The following NUP153 variants were observed in gnomAD, a reference collection of about 807,000 sequenced individuals.
The protein encoded by NUP153 is nucleoporin 153.
A neutral mutation model predicts 134.6 loss-of-function variants in NUP153; 27 were observed. The ratio of observed to expected loss-of-function variants is 0.20; its 90% CI spans 0.15 to 0.28. The LOEUF is 0.28. Among genes scored for constraint, NUP153 ranks in the 10% least tolerant of loss-of-function variants. The probability of loss-of-function intolerance (pLI) is 1.00; values close to 1 mark genes in which losing one functional copy is unlikely to be tolerated. For synonymous variants in NUP153, 640 were observed against 623.5 expected, an observed-to-expected ratio of 1.03 and a Z score of -0.40; for missense variants, 1,821 against 1,731.3, an observed-to-expected ratio of 1.05 and a Z score of -0.92.
intron 14 of NUP153, among the ~76,000 whole-genome samples, chr6:17,644,383 A>G (rs1291596712): frequency 1.3e-5 from 2 of 152,184 alleles, no homozygotes; most frequent in South Asian, 4.1e-4. Flanking sequence ...AAAATCATTC[A>G]ACATCTCCCT....
At chr6:17,634,109 C>T (rs978994835) in intron 16 of NUP153, among the ~76,000 whole-genome samples, 14 of 151,992 alleles carry the variant, frequency 9.2e-5, no homozygotes, top group Non-Finnish European at 2.9e-5. Context: ...TTCATGAACC[C>T]CCCCCATTAC....
rs761177025 is a variant in NUP153 at position 17,675,247 on chromosome 6, G to T, written c.705C>A (p.Ala235=). Residue 235 remains alanine (A), a synonymous_variant, in exon 4 of 22, where the codon GCC becomes GCA. Transcript: ENST00000262077. The surrounding 1 kb of genome is among the most constrained non-coding windows in gnomAD (Gnocchi z 4.4). ...TACTCACAGGGGAAAGTGTTCCAAA[G>T]GCAGACAAGTTGAATGCTGGTTTTT... is the stretch of plus-strand genomic sequence containing the variant. ...SSKKPAFNLS[A]FGTLSPSLGN... 3 of 1,613,970 alleles carry T rather than the reference G, an allele frequency of 1.9e-6. No individual in the cohort carries two copies. Among genetic ancestry groups the T allele is most frequent in the Non-Finnish European group, 2.5e-6 (3 of 1,180,030 alleles).
intron 1 of NUP153, among the ~76,000 whole-genome samples, chr6:17,702,810 T>C (rs1393002274): frequency 6.6e-6 from 1 of 152,216 alleles, no homozygotes. Flanking sequence ...TATTTGCTTC[T>C]ACAATTCTTA....
In NUP153 at chr6:17,637,310, A is replaced by G. The variant is rs755626619; in HGVS notation, c.2307T>C (p.Thr769=). 6.2e-7 allele frequency: 1 copy of G among 1,614,234 alleles called. No individual in the cohort carries two copies. The highest frequency in any genetic ancestry group is 1.7e-5 in the Admixed American group (1 of 60,020). Residue 769 remains threonine, a synonymous_variant, in exon 16 of 22, where the codon ACT becomes ACC. Transcript: ENST00000262077. ...TLTVVSESAE[T]MTASSSSCTV... Reference sequence around the variant, plus strand: ...TGCAGCTGGAAGATGAAGCAGTCATAGTCTCAGCACTTTCCGAAACCACTG... The same window carrying G: ...TGCAGCTGGAAGATGAAGCAGTCATGGTCTCAGCACTTTCCGAAACCACTG...
chr6:17,660,953 G>A (rs1193961957), intron 11 of NUP153, among the ~76,000 whole-genome samples: 1 of 152,042 alleles, frequency 6.6e-6, no homozygotes, highest in Non-Finnish European at 1.5e-5. Flanking sequence ...AAATATATAA[G>A]CAGTGAAATT....
At position 17,624,742 on chromosome 6, in the gene NUP153, T is replaced by A. The variant is rs1457418505; in HGVS notation, c.3993A>T (p.Gln1331His). 1 of 1,614,070 alleles carries A rather than the reference T, an allele frequency of 6.2e-7. No homozygotes were observed. Among genetic ancestry groups the A allele is most frequent in the Admixed American group, 1.7e-5 (1 of 60,008 alleles). ...CTGGGGGATTGGGCTGGCTGGCACC[T>A]TGACTTTGTCCAAATGTTGGGGTCT... is the stretch of plus-strand genomic sequence containing the variant. ...ANQTPTFGQS[Q>H]GASQPNPPGF... is the part of the protein sequence containing the mutation. The change falls in exon 20 of 22, where the codon CAA (glutamine) becomes CAT (histidine). Residue 1331 changes from glutamine (Q) to histidine (H), a missense_variant. Coordinates refer to ENST00000262077, the MANE Select transcript of NUP153 (RefSeq NM_005124.4).
intron 1 of NUP153, among the ~76,000 whole-genome samples, chr6:17,689,308 A>G (rs1769136907): frequency 6.6e-6 from 1 of 152,080 alleles, no homozygotes; most frequent in East Asian, 1.9e-4. Context: ...AATCACTTAT[A>G]TCCAGGAGAC....
intron 5 of NUP153, among the ~76,000 whole-genome samples, chr6:17,671,350 A>G (rs562428212): frequency 2.3e-4 from 35 of 152,232 alleles, no homozygotes; most frequent in African/African-American, 7.9e-4. Flanking sequence ...CTACTCTCCT[A>G]CTATACATAA....
At chr6:17,670,790 A>G (rs1581737167) in intron 5 of NUP153, among the ~76,000 whole-genome samples, 1 of 152,216 alleles carries the variant, frequency 6.6e-6, no homozygotes, top group East Asian at 1.9e-4. Flanking sequence ...GATTGTTTAC[A>G]TGGTAAATCC....
intron 10 of NUP153, 46 bp downstream of exon 10, chr6:17,661,972 A>T (rs762094081): frequency 2.1e-6 from 3 of 1,414,942 alleles, no homozygotes. Context: ...TACAGACCTT[A>T]CAAGTTAAAT....
chr6:17,624,462 T>C, intron 20 of NUP153, 99 bp downstream of exon 20: 1 of 1,173,704 alleles, frequency 8.5e-7, no homozygotes, highest in Non-Finnish European at 1.2e-6. Flanking sequence ...CAAGAGATAA[T>C]TTTAAAATTA....
chr6:17,696,226 T>A (rs1023511939), intron 1 of NUP153, among the ~76,000 whole-genome samples: 1 of 152,110 alleles, frequency 6.6e-6, no homozygotes, highest in Non-Finnish European at 1.5e-5. Flanking sequence ...TTAAAAGAGT[T>A]TTGAAGTACT....
At position 17,637,494 on chromosome 6, in the gene NUP153, A is replaced by G. The variant is rs1463670078; in HGVS notation, c.2123T>C (p.Leu708Pro). The change falls in exon 16 of 22, where the codon CTT (leucine) becomes CCT (proline). Residue 708 changes from leucine (L) to proline (P), a missense_variant. Leu to Pro is a moderately conservative substitution (Grantham distance 98). Transcript: ENST00000262077. ...ETPNKSGKTT[L>P]SASGTGFGDK... ...TCCAAAGCCTGTCCCTGATGCAGAAAGAGTTGTTTTGCCACTTTTATTTGG... is the reference window on the plus strand; with the variant it reads ...TCCAAAGCCTGTCCCTGATGCAGAAGGAGTTGTTTTGCCACTTTTATTTGG... 6.2e-7 allele frequency: 1 copy of G among 1,614,118 alleles called. No homozygotes were observed. Among genetic ancestry groups the G allele is most frequent in the Admixed American group, 1.7e-5 (1 of 60,010 alleles).
chr6:17,658,788 A>G (rs1021509733), intron 11 of NUP153, among the ~76,000 whole-genome samples: 1 of 152,172 alleles, frequency 6.6e-6, no homozygotes, highest in Non-Finnish European at 1.5e-5. Flanking sequence ...CATGGGACAA[A>G]AAGTGGATTT....
intron 11 of NUP153, among the ~76,000 whole-genome samples, chr6:17,653,739 C>T (rs548218826): frequency 5.3e-5 from 8 of 152,186 alleles, no homozygotes; most frequent in African/African-American, 1.9e-4. Context: ...TAGGAGGTGA[C>T]GGCAACTGAC....
rs1561854007 is a variant in NUP153, at chr6:17,625,943, G to C, written c.3766C>G (p.Gln1256Glu). The C allele has an allele frequency of 6.2e-7, 1 of 1,614,162 alleles. No individual in the cohort carries two copies. Among genetic ancestry groups the C allele is most frequent in the Admixed American group, 1.7e-5 (1 of 60,018 alleles). Reference protein sequence around the residue: ...SSTSQSLLFSQDSKLATTSST... With the variant: ...SSTSQSLLFSEDSKLATTSST... ...GATGTGGTTGCTAGTTTGCTATCTT[G>C]AGAAAATAGCAAAGACTGAGAGGTG... is the stretch of plus-strand genomic sequence containing the variant. Residue 1256 changes from glutamine to glutamate, a missense_variant, in exon 19 of 22, where the codon CAA becomes GAA. By Grantham distance (29) the Gln-to-Glu change is conservative (BLOSUM62 2). Transcript: ENST00000262077. This position sits in a 1 kb window ranked among gnomAD's most constrained non-coding sequence, Gnocchi z 4.7.
At position 17,625,878 on chromosome 6, in the gene NUP153, T is replaced by C. The variant is rs149416399; in HGVS notation, c.3831A>G (p.Pro1277=). 24 of 1,614,136 alleles carry C rather than the reference T, an allele frequency of 1.5e-5. No individual in the cohort carries two copies. The African/African-American group carries it at 1.7e-4, about 12-fold the overall frequency. Residue 1277 remains proline (P), a synonymous_variant, in exon 19 of 22, where the codon CCA becomes CCG. Coordinates refer to ENST00000262077, the MANE Select transcript of NUP153 (RefSeq NM_005124.4). This position sits in a 1 kb window ranked among gnomAD's most constrained non-coding sequence, Gnocchi z 4.7. Reference sequence around the variant, plus strand: ...TGGTAGTATTATTACTGCTGGCTCCTGGACCAAAGACAAATGGGGTGACAG... The same window carrying C: ...TGGTAGTATTATTACTGCTGGCTCCCGGACCAAAGACAAATGGGGTGACAG... ...GTAVTPFVFG[P]GASSNNTTTS...
At chr6:17,635,550 T>C (rs947148422) in intron 16 of NUP153, among the ~76,000 whole-genome samples, 7 of 151,832 alleles carry the variant, frequency 4.6e-5, no homozygotes, top group African/African-American at 1.7e-4. Flanking sequence ...TATAGGCGGG[T>C]GCCACCAAGC....
chr6:17,623,035 C>G (rs1764726973), intron 20 of NUP153, among the ~76,000 whole-genome samples: 1 of 150,192 alleles, frequency 6.7e-6, no homozygotes. Context: ...GAGGCTGAGG[C>G]AGAAGAATCA....
Sources: gnomAD v4.1 joint callset for allele counts (sites outside exome capture counted in the v4.1 genomes callset) on GRCh38, gnomAD v4.1.1 for gene constraint, Gnocchi (gnomAD v3.1) non-coding constraint, MANE v1.5 for transcripts, NCBI Gene and HGNC (gene_info 2026-07-23, HGNC 2026-07-21) for gene names.